PAX4: variants seen among roughly 807,000 people sequenced by gnomAD.
PAX4 encodes the protein paired box 4, also known as paired box protein Pax-4.
In PAX4, 33 loss-of-function variants were observed where a neutral mutation model predicts 40.6. The observed-to-expected ratio is 0.81, with a 90% CI of 0.62 to 1.09. The LOEUF (loss-of-function observed/expected upper bound fraction) is 1.09, where lower values mean the gene tolerates loss of function less well. PAX4 is among the 50% of genes least tolerant of loss of function. PAX4 has a pLI of 0.00. For synonymous variants in PAX4, 174 were observed against 170.6 expected (o/e 1.02, Z -0.16); for missense variants, 459 against 442.5 (o/e 1.04, Z -0.33).
chr7:127,615,061 C>T lies in PAX4; in HGVS notation c.179G>A (p.Arg60His), dbSNP rs370095957. Residue 60 changes from arginine to histidine, a missense_variant, in exon 5 of 12, where the codon CGT becomes CAT. Transcript: ENST00000639438. ...SNGCVSKILG[R>H]YYRTGVLEPK... ...CTCCAAGACACCTGTGCGGTAGTAA[C>T]GCCCTAGGATCTTGCTCACACAGCC... 16 of 1,614,074 alleles carry T rather than the reference C, an allele frequency of 9.9e-6. No homozygotes were observed. Among genetic ancestry groups the T allele is most frequent in the South Asian group, 3.3e-5 (3 of 91,084 alleles).
At chr7:127,613,127 T>A (rs1423057569) in intron 8 of PAX4, 36 bp from the exon 9 acceptor site, 1 of 1,528,468 alleles carries the variant, frequency 6.5e-7, no homozygotes, top group Admixed American at 1.7e-5. Flanking sequence ...CTGGCTGTAC[T>A]TTATGCTGCC....
Position 127,610,691 on chromosome 7 carries a change from G to C in PAX4, c.*373C>G, listed in dbSNP as rs1794607782. The stretch of plus-strand genomic sequence containing the variant: ...ATTGCCTACATACATGCATAGATTA[G>C]ATGGTAGATACATAGATGTAAATAA... On this transcript the variant is annotated 3_prime_UTR_variant, in exon 12 of 12. Transcript: ENST00000639438. The C allele has an allele frequency of 3.3e-6, 2 of 614,914 alleles. No homozygotes were observed. The highest frequency in any genetic ancestry group is 3.7e-5 in the African/African-American group (2 of 54,254). The allele number at this position is 614,914 out of a possible 1,614,324, so 38.1% of individuals were successfully genotyped here.
In PAX4 at chr7:127,615,438, C is replaced by A; in HGVS notation, c.107G>T (p.Ser36Ile). The change falls in exon 4 of 12, where the codon AGT (serine) becomes ATT (isoleucine). Residue 36 changes from serine to isoleucine, a missense_variant. Physicochemically the swap from Ser to Ile is moderately radical, Grantham distance 142 (BLOSUM62 -2). Coordinates refer to ENST00000639438, the MANE Select transcript of PAX4 (RefSeq NM_001366110.1). ...TRQQIVRLAV[S>I]GMRPCDISRI... is the part of the protein sequence containing the mutation. ...TGAGATGTCACAGGGCCGCATTCCA[C>A]TGACTGCTAGCCGCACAATCTGCTG... 6.2e-7 allele frequency: 1 copy of A among 1,614,242 alleles called. No homozygotes were observed. Among genetic ancestry groups the A allele is most frequent in the Non-Finnish European group, 8.5e-7 (1 of 1,180,034 alleles).
intron 2 of PAX4, among the ~76,000 whole-genome samples, chr7:127,616,524 T>C (rs1794726357): frequency 6.6e-6 from 1 of 152,162 alleles, no homozygotes; most frequent in African/African-American, 2.4e-5. Flanking sequence ...GCTCCTGTTT[T>C]TTTATACTCT....
At position 127,610,412 on chromosome 7, in the gene PAX4, A is replaced by G. The variant is rs1284965886; in HGVS notation, c.*652T>C. 2 of 158,924 alleles carry G rather than the reference A, an allele frequency of 1.3e-5. No homozygotes were observed. Among genetic ancestry groups the G allele is most frequent in the Non-Finnish European group, 2.8e-5 (2 of 72,128 alleles). 9.8% of individuals were successfully genotyped at this position (158,924 alleles called of 1,614,324 possible). On this transcript the variant is annotated 3_prime_UTR_variant, in exon 12 of 12. Transcript: ENST00000639438. ...AAAATACATATGACAAAAATACATA[A>G]TTTTCTTAGATTAAGAAGTTACAGT...
chr7:127,614,173 T>C (rs747797680), intron 6 of PAX4, among the ~76,000 whole-genome samples: 6 of 152,048 alleles, frequency 3.9e-5, no homozygotes, highest in Non-Finnish European at 7.4e-5. Context: ...TAAGAAGCTA[T>C]GCATGGGGCA....
In PAX4 at chr7:127,611,566, G is replaced by A. The variant is rs1794625693; in HGVS notation, c.882C>T (p.Thr294=). The A allele has an allele frequency of 3.7e-6, 6 of 1,613,634 alleles. No individual in the cohort carries two copies. Among genetic ancestry groups the A allele is most frequent in the South Asian group, 3.3e-5 (3 of 91,064 alleles). The change falls in exon 11 of 12, where the codon ACC becomes ACT. Residue 294 remains threonine, a synonymous_variant. Transcript: ENST00000639438. ...AGGGCTTGAGACAGGCTTTAGGTGGGGTGTCACTCAGACACCTTTCTGGTG... is the reference window on the plus strand; with the variant it reads ...AGGGCTTGAGACAGGCTTTAGGTGGAGTGTCACTCAGACACCTTTCTGGTG... ...ATAPERCLSD[T]PPKACLKPCW... is the part of the protein sequence containing the mutation.
At chr7:127,611,770 A>T in intron 10 of PAX4, 94 bp from the exon 11 acceptor site, 2 of 1,601,988 alleles carry the variant, frequency 1.2e-6, no homozygotes, top group Non-Finnish European at 1.7e-6. Flanking sequence ...CCCAAGTAGT[A>T]TCCTGCACAA....
chr7:127,611,658 G>A lies in PAX4; in HGVS notation c.790C>T (p.Pro264Ser), dbSNP rs914982627. 1 of 1,612,460 alleles carries A rather than the reference G, an allele frequency of 6.2e-7. No individual in the cohort carries two copies. Among genetic ancestry groups the A allele is most frequent in the Non-Finnish European group, 8.5e-7 (1 of 1,179,874 alleles). The stretch of plus-strand genomic sequence containing the variant: ...TCCAGGGCAGGCAGGGCTGCTGTGG[G>A]CACACTGCCAGGGGACTGCTAAAAA... ...ISAQQSPGSVPTAALPALEPL... is the reference protein window; with the variant it reads ...ISAQQSPGSVSTAALPALEPL... The change falls in exon 11 of 12, where the codon CCC (proline) becomes TCC (serine). Residue 264 changes from proline (P) to serine (S), a missense_variant. Coordinates refer to ENST00000639438, the MANE Select transcript of PAX4 (RefSeq NM_001366110.1).
In PAX4 at chr7:127,615,691, G is replaced by C. The variant is rs897231739; in HGVS notation, c.14-160C>G. 5.9e-6 allele frequency: 9 copies of C among 1,526,666 alleles called. No homozygotes were observed. The Admixed American group carries it at 1.2e-4, about 20-fold the overall frequency. 94.6% of individuals were successfully genotyped at this position (1,526,666 alleles called of 1,614,324 possible). On this transcript the variant is annotated intron_variant, in intron 3 of 11. Coordinates refer to ENST00000639438, the MANE Select transcript of PAX4 (RefSeq NM_001366110.1). The stretch of plus-strand genomic sequence containing the variant: ...TGCCCCCAGGCTGTCAACGCAAGCT[G>C]CTTTCTTTGAGAGCTGGCTCACGGG...
chr7:127,617,777 C>A (rs1356038335), intron 1 of PAX4, among the ~76,000 whole-genome samples, 185 bp downstream of exon 1: 3 of 152,184 alleles, frequency 2.0e-5, no homozygotes, highest in Non-Finnish European at 4.4e-5. Context: ...ACATTCCCAA[C>A]ATTCATATTA....
At chr7:127,616,612 G>A (rs531565466) in intron 2 of PAX4, among the ~76,000 whole-genome samples, 1 of 152,342 alleles carries the variant, frequency 6.6e-6, no homozygotes, top group Non-Finnish European at 1.5e-5. Flanking sequence ...ACTGGGCATA[G>A]AGATGAACAC....
intron 7 of PAX4, 84 bp from the exon 8 acceptor site, chr7:127,613,616 C>T: frequency 6.3e-7 from 1 of 1,584,282 alleles, no homozygotes; most frequent in Non-Finnish European, 8.7e-7. Context: ...TCCCCACCTG[C>T]TACAACCCCA....
rs191056981 is a variant in PAX4 at position 127,617,333 on chromosome 7, G to A, written c.-158C>T. On this transcript the variant is annotated 5_prime_UTR_variant, in exon 2 of 12. The change creates a premature stop within an existing upstream ORF in the 5' untranslated region. Coordinates refer to ENST00000639438, the MANE Select transcript of PAX4 (RefSeq NM_001366110.1). Reference sequence around the variant, plus strand: ...CAAATTCTCATCTTTCCAAAAAGTCGGGAAAGAAGGCAGAGGTTTTCCAAA... The same window carrying A: ...CAAATTCTCATCTTTCCAAAAAGTCAGGAAAGAAGGCAGAGGTTTTCCAAA... 9.9e-5 allele frequency: 15 copies of A among 152,260 alleles called. No individual in the cohort carries two copies. The highest frequency in any genetic ancestry group is 3.4e-3 in the Middle Eastern group (1 of 294). 9.4% of individuals were successfully genotyped at this position (152,260 alleles called of 1,614,324 possible).
chr7:127,614,889 C>T lies in PAX4; in HGVS notation c.351G>A (p.Lys117=). 6.2e-7 allele frequency: 1 copy of T among 1,614,082 alleles called. No individual in the cohort carries two copies. Among genetic ancestry groups the T allele is most frequent in the Non-Finnish European group, 8.5e-7 (1 of 1,179,980 alleles). Residue 117 remains lysine (K), a synonymous_variant, in exon 5 of 12, where the codon AAG becomes AAA. Coordinates refer to ENST00000639438, the MANE Select transcript of PAX4 (RefSeq NM_001366110.1). The part of the protein sequence containing the change: ...LCAEGLCTQD[K]TPSVSSINRV... ...AGGGAAGGGTACTTACACTGGGAGT[C>T]TTGTCCTGGGTGCAAAGCCCTTCAG...
intron 10 of PAX4, 29 bp downstream of exon 10, chr7:127,611,916 G>A: frequency 6.2e-7 from 1 of 1,613,610 alleles, no homozygotes; most frequent in Non-Finnish European, 8.5e-7. Context: ...GTCTTCCCAG[G>A]GCACAGACTC....
rs1794746555 is a variant in PAX4 at position 127,618,085 on chromosome 7, C to G, written c.-349G>C. 6.6e-6 allele frequency: 1 copy of G among 152,418 alleles called. No homozygotes were observed. Among genetic ancestry groups the G allele is most frequent in the South Asian group, 2.1e-4 (1 of 4,826 alleles). 9.4% of individuals were successfully genotyped at this position (152,418 alleles called of 1,614,324 possible). A position where few individuals can be genotyped will look rare whatever the true frequency, so the allele number is the denominator to read the frequency against. On this transcript the variant is annotated 5_prime_UTR_variant, in exon 1 of 12. Coordinates refer to ENST00000639438, the MANE Select transcript of PAX4 (RefSeq NM_001366110.1). ...CCTCCACTCTGCTCCTGCTTCAGTCCTGCCAGGGGGTCCAGAGCTATAGAG... is the reference window on the plus strand; with the variant it reads ...CCTCCACTCTGCTCCTGCTTCAGTCGTGCCAGGGGGTCCAGAGCTATAGAG...
Position 127,614,992 on chromosome 7 carries a change from G to C in PAX4, c.248C>G (p.Pro83Arg), listed in dbSNP as rs1260268236. The C allele has an allele frequency of 6.2e-7, 1 of 1,614,216 alleles. No individual in the cohort carries two copies. Among genetic ancestry groups the C allele is most frequent in the Non-Finnish European group, 8.5e-7 (1 of 1,180,032 alleles). Reference sequence around the variant, plus strand: ...CAGCTGGGCAATTCGAGCCACCACAGGGGGTGTAGCCAGCCGTGGCTTGCT... The same window carrying C: ...CAGCTGGGCAATTCGAGCCACCACACGGGGTGTAGCCAGCCGTGGCTTGCT... Reference protein sequence around the residue: ...GGSKPRLATPPVVARIAQLKG... With the variant: ...GGSKPRLATPRVVARIAQLKG... Residue 83 changes from proline (P) to arginine (R), a missense_variant, in exon 5 of 12, where the codon CCT becomes CGT. Physicochemically the swap from Pro to Arg is moderately radical, Grantham distance 103. Coordinates refer to ENST00000639438, the MANE Select transcript of PAX4 (RefSeq NM_001366110.1).
rs149291099 is a variant in PAX4 at position 127,611,278 on chromosome 7, G to C, written c.914-72C>G. On this transcript the variant is annotated intron_variant, in intron 11 of 11. Transcript: ENST00000639438. ...CCTCTCAAAGTCACTATGGGAGAGA[G>C]GCTGAGACATCAGTTTCCCACCCTG... The C allele has an allele frequency of 1.8e-3, 2,483 of 1,413,306 alleles. 27 individuals are homozygous for C. In the East Asian group the frequency reaches 0.02, roughly 11 times the overall value. 87.5% of individuals were successfully genotyped at this position (1,413,306 alleles called of 1,614,324 possible).
Sources: gnomAD v4.1 joint callset for allele counts (sites outside exome capture counted in the v4.1 genomes callset) on GRCh38, gnomAD v4.1.1 for gene constraint, MANE v1.5 for transcripts, NCBI Gene and HGNC (gene_info 2026-07-23, HGNC 2026-07-21) for gene names.